Variants in CNTNAP5 observed in about 807,000 individuals in gnomAD.
CNTNAP5 encodes the protein contactin-associated protein-like 5.
In CNTNAP5, 72 loss-of-function variants were observed where a neutral mutation model predicts 150.2. The ratio of observed to expected loss-of-function variants is 0.48; its 90% CI spans 0.40 to 0.58. CNTNAP5 has a LOEUF of 0.58. CNTNAP5 is among the 20% of genes least tolerant of loss of function. The probability of loss-of-function intolerance (pLI) is 0.00; values close to 1 mark genes in which losing one functional copy is unlikely to be tolerated. For synonymous variants in CNTNAP5, 672 were observed against 619.8 expected, an observed-to-expected ratio of 1.08 and a Z score of -1.25; for missense variants, 1,636 against 1,626.2, an observed-to-expected ratio of 1.01 and a Z score of -0.10.
At chr2:124,152,457 C>T (rs182979269) in intron 1 of CNTNAP5, among the ~76,000 whole-genome samples, 229 of 152,284 alleles carry the variant, frequency 1.5e-3, no homozygotes, top group African/African-American at 5.3e-3. Context: ...GAGCTGGAGT[C>T]GCAGATCTCC....
At chr2:124,445,251 G>A (rs981048456) in intron 5 of CNTNAP5, among the ~76,000 whole-genome samples, 3 of 151,540 alleles carry the variant, frequency 2.0e-5, no homozygotes, top group Non-Finnish European at 4.4e-5. Flanking sequence ...CACCTTGCCT[G>A]GCTAATTTTT....
In CNTNAP5 at chr2:124,249,936, G is replaced by A. The variant is rs576583517; in HGVS notation, c.381+7543G>A. Reference sequence around the variant, plus strand: ...TTAAACTAATCCTTATTTATTTAATGTTTAGCTAACAAGGATGAATTCTTT... The same window carrying A: ...TTAAACTAATCCTTATTTATTTAATATTTAGCTAACAAGGATGAATTCTTT... On this transcript the variant is annotated intron_variant, in intron 3 of 23. Transcript: ENST00000682447. Among the ~76,000 whole-genome samples the A allele has an allele frequency of 6.6e-5, 10 of 151,336 alleles. No homozygotes were observed. The South Asian group carries it at 1.9e-3, about 28-fold the overall frequency.
intron 6 of CNTNAP5, among the ~76,000 whole-genome samples, chr2:124,458,704 A>G (rs1177952628): frequency 1.3e-5 from 2 of 152,202 alleles, no homozygotes; most frequent in East Asian, 3.8e-4. Flanking sequence ...ATGCTAAACA[A>G]TCATACTTTT....
chr2:124,675,484 A>T (rs1678919076), intron 13 of CNTNAP5, among the ~76,000 whole-genome samples: 1 of 152,034 alleles, frequency 6.6e-6, no homozygotes, highest in South Asian at 2.1e-4. Context: ...CAGGATTCCC[A>T]CTTGCCATTT....
chr2:124,590,239 G>A (rs1696648960), intron 11 of CNTNAP5, among the ~76,000 whole-genome samples: 1 of 152,110 alleles, frequency 6.6e-6, no homozygotes, highest in Admixed American at 6.6e-5. Flanking sequence ...AGCAGACAGC[G>A]AACTAAGACA....
intron 12 of CNTNAP5, among the ~76,000 whole-genome samples, chr2:124,620,728 TACACACACACACACATGC>T (rs1677593733): frequency 7.3e-6 from 1 of 136,886 alleles, no homozygotes; most frequent in Non-Finnish European, 1.6e-5. Context: ...ATATATATGC[TACACACACACACACATGC>T]ACACACACAC....
chr2:124,260,990 T>G (rs1204126875), intron 3 of CNTNAP5, among the ~76,000 whole-genome samples: 1 of 152,198 alleles, frequency 6.6e-6, no homozygotes, highest in Non-Finnish European at 1.5e-5. Context: ...TCTTGAGAGA[T>G]AATTTTATAT....
chr2:124,401,167 A>G (rs1003976505), intron 3 of CNTNAP5, among the ~76,000 whole-genome samples: 1 of 152,148 alleles, frequency 6.6e-6, no homozygotes, highest in Non-Finnish European at 1.5e-5. Flanking sequence ...TGCCCAGCCA[A>G]TTATCTCTTA....
At chr2:124,048,266 A>G (rs1037487327) in intron 1 of CNTNAP5, among the ~76,000 whole-genome samples, 9 of 152,166 alleles carry the variant, frequency 5.9e-5, no homozygotes, top group African/African-American at 1.9e-4. Flanking sequence ...AACCAGCTCT[A>G]CTCTAGGAAT....
At chr2:124,126,231 G>A (rs1683694868) in intron 1 of CNTNAP5, among the ~76,000 whole-genome samples, 2 of 152,116 alleles carry the variant, frequency 1.3e-5, no homozygotes, top group South Asian at 4.1e-4. Context: ...TGATAAAGGG[G>A]ATATCACCAC....
chr2:124,831,889 T>A (rs1162731670), intron 19 of CNTNAP5, among the ~76,000 whole-genome samples: 1 of 152,200 alleles, frequency 6.6e-6, no homozygotes, highest in African/African-American at 2.4e-5. Flanking sequence ...TTTAAATTTA[T>A]TTCCAAGTTG....
chr2:124,317,560 C>A (rs563793312), intron 3 of CNTNAP5, among the ~76,000 whole-genome samples: 2 of 152,124 alleles, frequency 1.3e-5, no homozygotes, highest in Non-Finnish European at 2.9e-5. Context: ...AACATCAAAC[C>A]ATGTATTCCA....
rs1433655329 is a variant in CNTNAP5, at chr2:124,336,531, CA to C, written c.382-80911del. Among the ~76,000 whole-genome samples the C allele has an allele frequency of 2.0e-4, 21 of 106,544 alleles. No individual in the cohort carries two copies. The East Asian group carries it at 3.1e-3, about 16-fold the overall frequency. The allele number at this position is 106,544 out of a possible 152,430, so 69.9% of individuals were successfully genotyped here. On this transcript the variant is annotated intron_variant, in intron 3 of 23. Transcript: ENST00000682447. ...TAATGCTATCCCTCCCCCCTCCCCC[CA>C]CCCCACAACAGTCTCCGGTGTGTGA...
intron 13 of CNTNAP5, among the ~76,000 whole-genome samples, chr2:124,666,561 T>C (rs995877113): frequency 6.6e-6 from 1 of 152,188 alleles, no homozygotes; most frequent in Non-Finnish European, 1.5e-5. Context: ...CTTCCCATCA[T>C]GACAGGGAAT....
intron 12 of CNTNAP5, among the ~76,000 whole-genome samples, chr2:124,610,698 C>A (rs533519472): frequency 6.6e-6 from 1 of 151,952 alleles, no homozygotes; most frequent in East Asian, 1.9e-4. Context: ...CGATGGCTCA[C>A]GCCTGTAATC....
At chr2:124,169,813 C>T (rs911482709) in intron 1 of CNTNAP5, among the ~76,000 whole-genome samples, 1 of 152,172 alleles carries the variant, frequency 6.6e-6, no homozygotes, top group East Asian at 1.9e-4. Context: ...AGGCAGTAGC[C>T]CCTGGTTCTA....
chr2:124,655,974 A>AGAAAGAAAGAAAGAAAGAAAGAAAGAAG (rs1558722509), intron 13 of CNTNAP5, among the ~76,000 whole-genome samples: 2 of 147,752 alleles, frequency 1.4e-5, no homozygotes, highest in African/African-American at 5.0e-5. Flanking sequence ...AAAGAAAGAA[A>AGAAAGAAAGAAAGAAAGAAAGAAAGAAG]GAAAGAAAGA....
intron 11 of CNTNAP5, among the ~76,000 whole-genome samples, chr2:124,568,705 C>A (rs973357141): frequency 5.9e-5 from 9 of 151,962 alleles, no homozygotes; most frequent in Admixed American, 2.6e-4. Flanking sequence ...GTTTTGTTTC[C>A]AAATATTTAT....
intron 13 of CNTNAP5, among the ~76,000 whole-genome samples, chr2:124,674,809 A>G (rs1372233730): frequency 2.0e-5 from 3 of 151,786 alleles, no homozygotes; most frequent in African/African-American, 7.3e-5. Flanking sequence ...TAAATTGTTG[A>G]TTTTTAATTT....
Sources: gnomAD v4.1 joint callset for allele counts (sites outside exome capture counted in the v4.1 genomes callset) on GRCh38, gnomAD v4.1.1 for gene constraint, MANE v1.5 for transcripts, NCBI Gene and HGNC (gene_info 2026-07-23, HGNC 2026-07-21) for gene names.